Variants in PTPRK observed in about 807,000 individuals in gnomAD.
The protein encoded by PTPRK is receptor-type tyrosine-protein phosphatase kappa.
PTPRK carries 75 observed loss-of-function variants against 178.0 expected under a neutral mutation model. The observed-to-expected ratio is 0.42, with a 90% CI of 0.35 to 0.51. The LOEUF is 0.51. PTPRK is among the 20% of genes least tolerant of loss of function. The probability of loss-of-function intolerance (pLI) is 0.02; values close to 1 mark genes in which losing one functional copy is unlikely to be tolerated. For missense variants in PTPRK, 1,441 were observed against 1,797.8 expected (o/e 0.80, Z 3.59); for synonymous variants, 637 against 620.6 (o/e 1.03, Z -0.39).
chr6:128,172,327 A>C (rs958254709), intron 7 of PTPRK, among the ~76,000 whole-genome samples: 10 of 151,946 alleles, frequency 6.6e-5, no homozygotes, highest in African/African-American at 2.4e-4. Context: ...TTTTTAGTTT[A>C]TAATAACATT....
At chr6:128,062,792 C>T (rs1472033505) in intron 13 of PTPRK, 1 of 152,296 alleles carries the variant, frequency 6.6e-6, no homozygotes, top group Non-Finnish European at 1.5e-5. Flanking sequence ...GATGCTCTCG[C>T]TTCAGCCTCC....
chr6:128,410,659 T>C (rs553518770), intron 1 of PTPRK, among the ~76,000 whole-genome samples: 95 of 152,282 alleles, frequency 6.2e-4, no homozygotes, highest in African/African-American at 2.1e-3. Context: ...AACAGCATAA[T>C]GAGTGAAAGT....
In PTPRK at chr6:128,135,807, A is replaced by G. The variant is rs576782934; in HGVS notation, c.1163-45815T>C. On this transcript the variant is annotated intron_variant, in intron 7 of 29. Coordinates refer to ENST00000368226, the MANE Select transcript of PTPRK (RefSeq NM_002844.4). ...TCACGTTTACATTTAGAGGTTGGCC[A>G]TTGTGATCAAGTACTCAAAAAATAA... Among the ~76,000 whole-genome samples, 6 of 152,196 alleles carry G rather than the reference A, an allele frequency of 3.9e-5. No homozygotes were observed. The East Asian group carries it at 1.2e-3, about 29-fold the overall frequency.
chr6:128,091,851 T>G (rs1486941372), intron 7 of PTPRK, among the ~76,000 whole-genome samples: 1 of 152,214 alleles, frequency 6.6e-6, no homozygotes, highest in Non-Finnish European at 1.5e-5. Flanking sequence ...CCGCACTTAC[T>G]CTGCATTTTA....
At chr6:128,435,326 A>G (rs1311231923) in intron 1 of PTPRK, among the ~76,000 whole-genome samples, 1 of 152,234 alleles carries the variant, frequency 6.6e-6, no homozygotes, top group Non-Finnish European at 1.5e-5. Context: ...TTTGCAATGG[A>G]CATCCTGACA....
chr6:128,182,830 T>C (rs1191200692), intron 7 of PTPRK, among the ~76,000 whole-genome samples: 1 of 152,114 alleles, frequency 6.6e-6, no homozygotes, highest in Non-Finnish European at 1.5e-5. Context: ...TTTCAAATAA[T>C]TCCTAAGTTA....
At chr6:128,459,583 T>C (rs1201742124) in intron 1 of PTPRK, among the ~76,000 whole-genome samples, 4 of 152,204 alleles carry the variant, frequency 2.6e-5, no homozygotes, top group East Asian at 3.9e-4. Context: ...CTGTACTCTA[T>C]AGACTGCAAG....
chr6:128,376,468 G>C (rs1371443374), intron 2 of PTPRK, among the ~76,000 whole-genome samples: 2 of 152,114 alleles, frequency 1.3e-5, no homozygotes. Flanking sequence ...GGAAGCCTTG[G>C]GTCCGACTCA....
At chr6:128,410,930 C>T (rs1392521090) in intron 1 of PTPRK, among the ~76,000 whole-genome samples, 1 of 152,148 alleles carries the variant, frequency 6.6e-6, no homozygotes, top group African/African-American at 2.4e-5. Flanking sequence ...TTTGTTCTGT[C>T]GCCCAGACTG....
chr6:128,005,324 T>C (rs76001978), intron 14 of PTPRK, 80 bp from the exon 15 acceptor site: 42,846 of 1,395,694 alleles, frequency 0.031, 939 homozygotes, highest in South Asian at 0.078. Context: ...ATAGTCCAGG[T>C]GAGCCCGAGG....
chr6:128,493,362 AC>A (rs559342750), intron 1 of PTPRK, among the ~76,000 whole-genome samples: 579 of 152,214 alleles, frequency 3.8e-3, no homozygotes, highest in Non-Finnish European at 5.7e-3. Context: ...GGAGATCAAG[AC>A]CATCCTGGCT....
chr6:128,371,111 C>T (rs1400537385), intron 2 of PTPRK, among the ~76,000 whole-genome samples: 4 of 152,170 alleles, frequency 2.6e-5, no homozygotes, highest in Admixed American at 6.5e-5. Flanking sequence ...TTATACCACG[C>T]TTTCCCACGC....
chr6:128,231,798 C>T (rs748413316), intron 5 of PTPRK, among the ~76,000 whole-genome samples: 42 of 152,156 alleles, frequency 2.8e-4, no homozygotes, highest in Non-Finnish European at 4.7e-4. Flanking sequence ...ATTGAAAAAA[C>T]AAACTCATTG....
Position 128,520,294 on chromosome 6 carries a change from G to C in PTPRK, c.65C>G (p.Pro22Arg). The change falls in exon 1 of 30, where the codon CCT becomes CGT. Residue 22 changes from proline (P) to arginine (R), a missense_variant. By Grantham distance (103) the Pro-to-Arg change is moderately radical (BLOSUM62 -2). This residue lies in a region of PTPRK where 158 missense variants were observed against 188.0 expected (regional missense o/e 0.84). Coordinates refer to ENST00000368226, the MANE Select transcript of PTPRK (RefSeq NM_002844.4). ...FVALLLLSPW[P>R]LLGSAQGQFS... ...CTGGCCTTGGGCCGATCCCAGGAGA[G>C]GCCAAGGAGAGAGGAGCAAGAGCGC... 3.7e-6 allele frequency: 6 copies of C among 1,609,084 alleles called. No homozygotes were observed. The highest frequency in any genetic ancestry group is 5.1e-6 in the Non-Finnish European group (6 of 1,177,714).
At position 128,242,527 on chromosome 6, in the gene PTPRK, G is replaced by A. The variant is rs971152529; in HGVS notation, c.571C>T (p.Pro191Ser). The A allele has an allele frequency of 5.6e-6, 9 of 1,611,982 alleles. No individual in the cohort carries two copies. The South Asian group carries it at 9.9e-5, about 18-fold the overall frequency. ...ATTCTTAATCACAACCTACCACAAGGATAACTCAGTACTTGGATGTCATCA... is the reference window on the plus strand; with the variant it reads ...ATTCTTAATCACAACCTACCACAAGAATAACTCAGTACTTGGATGTCATCA... ...AIDDIQVLSY[P>S]CDKSPHFLRL... The change falls in exon 4 of 30, where the codon CCT becomes TCT. Residue 191 changes from proline (P) to serine (S), a missense_variant. By Grantham distance (74) the Pro-to-Ser change is moderately conservative. Coordinates refer to ENST00000368226, the MANE Select transcript of PTPRK (RefSeq NM_002844.4).
chr6:128,240,677 G>C (rs1394992064), intron 4 of PTPRK, among the ~76,000 whole-genome samples: 3 of 152,030 alleles, frequency 2.0e-5, no homozygotes, highest in African/African-American at 7.2e-5. Flanking sequence ...CAAAGAACAA[G>C]GGAATATTTT....
chr6:128,193,690 A>C (rs979279279), intron 6 of PTPRK, among the ~76,000 whole-genome samples: 4 of 152,196 alleles, frequency 2.6e-5, no homozygotes, highest in African/African-American at 9.6e-5. Context: ...TGCTGAAATA[A>C]GAAGAATCAT....
chr6:128,125,602 CTTTTTTTTTTTTTTT>C (rs869038931), intron 7 of PTPRK, among the ~76,000 whole-genome samples: 3,767 of 68,430 alleles, frequency 0.055, 130 homozygotes, highest in Middle Eastern at 0.17. Context: ...TTGGGCTTTT[CTTTTTTTTTTTTTTT>C]TTTTTTTTTT....
At chr6:128,018,543 C>T (rs984576834) in intron 13 of PTPRK, among the ~76,000 whole-genome samples, 6 of 150,138 alleles carry the variant, frequency 4.0e-5, no homozygotes, top group Non-Finnish European at 8.9e-5. Context: ...AGTTTGAATT[C>T]CAGCTTTGCC....
Sources: gnomAD v4.1 joint callset for allele counts (sites outside exome capture counted in the v4.1 genomes callset) on GRCh38, gnomAD v4.1.1 for gene constraint, gnomAD v4.1.1 regional missense constraint, MANE v1.5 for transcripts, NCBI Gene and HGNC (gene_info 2026-07-23, HGNC 2026-07-21) for gene names.